The following CDH13 variants were observed in gnomAD, a reference collection of about 807,000 sequenced individuals.
CDH13 encodes cadherin 13.
Under a neutral mutation model 63.8 loss-of-function variants are expected in CDH13, and 24 were observed. That is an observed-to-expected ratio of 0.38 (90% CI 0.27 to 0.53). The LOEUF (loss-of-function observed/expected upper bound fraction) is 0.53, where lower values mean the gene tolerates loss of function less well. CDH13 is among the 20% of genes least tolerant of loss of function. The probability of loss-of-function intolerance (pLI) is 0.85; values close to 1 mark genes in which losing one functional copy is unlikely to be tolerated. For missense variants in CDH13, 1,049 were observed against 903.1 expected (o/e 1.16, Z -2.07); for synonymous variants, 503 against 355.3 (o/e 1.42, Z -4.67).
At chr16:83,571,843 G>T (rs1904653513) in intron 7 of CDH13, among the ~76,000 whole-genome samples, 1 of 152,106 alleles carries the variant, frequency 6.6e-6, no homozygotes, top group Non-Finnish European at 1.5e-5. Context: ...TACCAAACTG[G>T]TGCCTCATTC....
intron 7 of CDH13, among the ~76,000 whole-genome samples, chr16:83,541,291 A>T (rs1224082535): frequency 6.6e-6 from 1 of 152,176 alleles, no homozygotes; most frequent in African/African-American, 2.4e-5. Flanking sequence ...ATCTAAATGA[A>T]TTCTTCTGAT....
chr16:83,039,830 T>C (rs567773571), intron 3 of CDH13, among the ~76,000 whole-genome samples: 23 of 152,254 alleles, frequency 1.5e-4, no homozygotes, highest in African/African-American at 5.3e-4. Context: ...TACTCCTCTG[T>C]CTGGACATTG....
At chr16:83,500,695 C>A (rs780436288) in intron 7 of CDH13, among the ~76,000 whole-genome samples, 95 of 149,236 alleles carry the variant, frequency 6.4e-4, no homozygotes, top group Non-Finnish European at 1.2e-3. Context: ...ACCTCAGCCT[C>A]CTGAGTAGCT....
At chr16:82,981,435 C>G (rs923819601) in intron 2 of CDH13, among the ~76,000 whole-genome samples, 8 of 152,066 alleles carry the variant, frequency 5.3e-5, no homozygotes, top group African/African-American at 1.9e-4. Flanking sequence ...CAAGTCAGCT[C>G]TCTGTGAATG....
intron 6 of CDH13, among the ~76,000 whole-genome samples, chr16:83,399,113 A>T (rs569614736): frequency 2.4e-4 from 36 of 152,336 alleles, no homozygotes; most frequent in Non-Finnish European, 4.6e-4. Context: ...TTGCCATGGC[A>T]TGTTTCAATA....
chr16:83,290,496 C>T (rs948568748), intron 5 of CDH13, among the ~76,000 whole-genome samples: 7 of 152,144 alleles, frequency 4.6e-5, no homozygotes, highest in Non-Finnish European at 8.8e-5. Flanking sequence ...CCATGTAAGA[C>T]GTGCCTTTGC....
intron 4 of CDH13, among the ~76,000 whole-genome samples, chr16:83,173,235 A>C (rs878927187): frequency 6.6e-6 from 1 of 152,150 alleles, no homozygotes; most frequent in Admixed American, 6.6e-5. Flanking sequence ...TTGTGAATCC[A>C]GCGTTTGAAC....
At chr16:82,864,862 T>G (rs945164181) in intron 2 of CDH13, among the ~76,000 whole-genome samples, 13 of 152,168 alleles carry the variant, frequency 8.5e-5, no homozygotes, top group Non-Finnish European at 4.4e-5. Context: ...GGCAAGTCCC[T>G]TCCACCTAGA....
At chr16:82,799,814 T>C (rs1034795428) in intron 1 of CDH13, among the ~76,000 whole-genome samples, 1 of 152,170 alleles carries the variant, frequency 6.6e-6, no homozygotes, top group African/African-American at 2.4e-5. Context: ...AAAGTGTAGA[T>C]TTTTTATTTC....
intron 2 of CDH13, among the ~76,000 whole-genome samples, chr16:82,952,863 T>A (rs1393796936): frequency 6.6e-6 from 1 of 152,164 alleles, no homozygotes; most frequent in Non-Finnish European, 1.5e-5. Context: ...GATTCCTCAC[T>A]AGTGCTTCTA....
At chr16:83,307,904 A>G (rs1367151913) in intron 5 of CDH13, among the ~76,000 whole-genome samples, 1 of 152,186 alleles carries the variant, frequency 6.6e-6, no homozygotes, top group Admixed American at 6.5e-5. Flanking sequence ...AGATCTATGA[A>G]GTATAGATTA....
At chr16:83,730,885 G>T (rs868398599) in intron 10 of CDH13, among the ~76,000 whole-genome samples, 2 of 152,118 alleles carry the variant, frequency 1.3e-5, no homozygotes, top group Admixed American at 1.3e-4. Context: ...TCAATGTTTA[G>T]CTCCCACTTA....
At chr16:83,351,629 C>T (rs766345360) in intron 6 of CDH13, among the ~76,000 whole-genome samples, 2 of 152,190 alleles carry the variant, frequency 1.3e-5, no homozygotes, top group Non-Finnish European at 2.9e-5. Flanking sequence ...AACCAATTTC[C>T]TATCGATTTA....
intron 8 of CDH13, among the ~76,000 whole-genome samples, chr16:83,658,705 C>T (rs62045341): frequency 0.2 from 23,450 of 118,774 alleles, 5 homozygotes; most frequent in East Asian, 0.3. Flanking sequence ...GTCCCATATC[C>T]TCACCAGCAA....
At chr16:83,727,456 A>G (rs1459491534) in intron 10 of CDH13, among the ~76,000 whole-genome samples, 3 of 151,326 alleles carry the variant, frequency 2.0e-5, no homozygotes, top group African/African-American at 7.3e-5. Flanking sequence ...CATCACCGAG[A>G]TTCTCCCAGC....
intron 6 of CDH13, among the ~76,000 whole-genome samples, chr16:83,432,226 AAG>A (rs1259335948): frequency 1.1e-4 from 16 of 152,288 alleles, no homozygotes; most frequent in Middle Eastern, 3.4e-3. Flanking sequence ...CATTTGGAAT[AAG>A]AGAAATGAAT....
At chr16:83,314,150 C>G (rs1171269178) in intron 5 of CDH13, among the ~76,000 whole-genome samples, 1 of 152,154 alleles carries the variant, frequency 6.6e-6, no homozygotes, top group African/African-American at 2.4e-5. Context: ...CATGTTGTGT[C>G]TAGTATTATT....
At chr16:83,473,875 A>G (rs1274857840) in intron 6 of CDH13, among the ~76,000 whole-genome samples, 2 of 147,466 alleles carry the variant, frequency 1.4e-5, no homozygotes, top group Non-Finnish European at 3.0e-5. Context: ...CCTCTCCATA[A>G]AATGGGCTAA....
At chr16:83,326,985 T>A (rs2090377421) in intron 5 of CDH13, among the ~76,000 whole-genome samples, 1 of 152,200 alleles carries the variant, frequency 6.6e-6, no homozygotes, top group Non-Finnish European at 1.5e-5. Context: ...GTCTGGCTGC[T>A]GAAGACCTCT....
Sources: gnomAD v4.1 joint callset for allele counts (sites outside exome capture counted in the v4.1 genomes callset) on GRCh38, gnomAD v4.1.1 for gene constraint, MANE v1.5 for transcripts, NCBI Gene and HGNC (gene_info 2026-07-23, HGNC 2026-07-21) for gene names.